ZNF148: variants seen among roughly 807,000 people sequenced by gnomAD.
ZNF148 encodes Beta-Enolase Repressor Factor-1.
Under a neutral mutation model 67.7 loss-of-function variants are expected in ZNF148, and 7 were observed. The observed-to-expected ratio is 0.10, with a 90% confidence interval of 0.06 to 0.19. The LOEUF is 0.19. ZNF148 is among the 10% of genes least tolerant of loss of function. ZNF148 has a pLI of 1.00. For synonymous variants in ZNF148, 333 were observed against 330.7 expected (o/e 1.01, Z -0.08); for missense variants, 583 against 947.1 (o/e 0.62, Z 5.05).
chr3:125,270,279 G>A (rs938497943), intron 7 of ZNF148, among the ~76,000 whole-genome samples: 2 of 151,684 alleles, frequency 1.3e-5, no homozygotes, highest in African/African-American at 4.8e-5. Flanking sequence ...GGCCAAAATC[G>A]GAGGATCACT....
At chr3:125,347,568 TA>T (rs770344417) in intron 1 of ZNF148, among the ~76,000 whole-genome samples, 2,987 of 73,678 alleles carry the variant, frequency 0.041, 48 homozygotes, top group African/African-American at 0.1. Flanking sequence ...TTTTATGTAT[TA>T]TTTTTTTTTT....
chr3:125,326,971 G>A (rs1272351920), intron 2 of ZNF148, among the ~76,000 whole-genome samples: 1 of 151,322 alleles, frequency 6.6e-6, no homozygotes, highest in Non-Finnish European at 1.5e-5. Flanking sequence ...TGGAAAGGCA[G>A]CGACTGTCGG....
At chr3:125,263,963 A>C (rs2107578771) in intron 7 of ZNF148, among the ~76,000 whole-genome samples, 1 of 152,324 alleles carries the variant, frequency 6.6e-6, no homozygotes, top group East Asian at 1.9e-4. Flanking sequence ...TCAATCCATC[A>C]TGCCTACATT....
At chr3:125,361,364 C>T (rs1399078115) in intron 1 of ZNF148, among the ~76,000 whole-genome samples, 4 of 152,090 alleles carry the variant, frequency 2.6e-5, no homozygotes, top group African/African-American at 7.2e-5. Context: ...CCAGAACACC[C>T]TCCTATTTCC....
chr3:125,288,008 C>T, intron 5 of ZNF148, 95 bp downstream of exon 5: 1 of 1,560,078 alleles, frequency 6.4e-7, no homozygotes, highest in South Asian at 1.2e-5. Flanking sequence ...AAGACTTCTA[C>T]ATCTGCCTTA....
chr3:125,239,291 C>A (rs941127361), intron 7 of ZNF148, among the ~76,000 whole-genome samples: 2 of 152,062 alleles, frequency 1.3e-5, no homozygotes, highest in African/African-American at 2.4e-5. Context: ...AGATAAGGAA[C>A]GTGTATCCAG....
At chr3:125,239,247 G>T (rs962555076) in intron 7 of ZNF148, among the ~76,000 whole-genome samples, 2 of 152,162 alleles carry the variant, frequency 1.3e-5, no homozygotes, top group African/African-American at 4.8e-5. Context: ...CATAACTCCA[G>T]AATGGAATAA....
rs560811942 is a variant in ZNF148, at chr3:125,321,682, T to TAA, written c.-17+1625_-17+1626dup. On this transcript the variant is annotated intron_variant, in intron 3 of 8. Transcript: ENST00000360647. Reference sequence around the variant, plus strand: ...AACAAGGAGAGGGGGAGGGAAAAGGTAAAAAAAAAGTTCACGCAAAGCAGA... The same window carrying TAA: ...AACAAGGAGAGGGGGAGGGAAAAGGTAAAAAAAAAAAGTTCACGCAAAGCAGA... 4.7e-3 allele frequency among the ~76,000 whole-genome samples: 711 copies of TAA among 151,224 alleles called. 4 individuals carry two copies. Among genetic ancestry groups the TAA allele is most frequent in the African/African-American group, 0.016 (680 of 41,264 alleles).
At position 125,373,219 on chromosome 3, in the gene ZNF148, C is replaced by T. The variant is rs535477311; in HGVS notation, c.-234+1883G>A. ...CAGCACTTTGAGAGGCCAAGGCGGGCGGATCACTTGAGGCCAGGAGTTCGA... is the reference window on the plus strand; with the variant it reads ...CAGCACTTTGAGAGGCCAAGGCGGGTGGATCACTTGAGGCCAGGAGTTCGA... On this transcript the variant is annotated intron_variant, in intron 1 of 8. Coordinates refer to ENST00000360647, the MANE Select transcript of ZNF148 (RefSeq NM_021964.3). 1.0e-4 allele frequency among the ~76,000 whole-genome samples: 15 copies of T among 148,474 alleles called. No individual in the cohort carries two copies. In the East Asian group the frequency reaches 1.7e-3, roughly 17 times the overall value.
intron 1 of ZNF148, among the ~76,000 whole-genome samples, chr3:125,336,838 A>T (rs1296124579): frequency 6.6e-6 from 1 of 151,646 alleles, no homozygotes; most frequent in African/African-American, 2.4e-5. Context: ...CTCCATGCTC[A>T]GCTAATTTTT....
At position 125,232,036 on chromosome 3, in the gene ZNF148, T is replaced by G. The variant is rs986741077; in HGVS notation, c.*305A>C. The stretch of plus-strand genomic sequence containing the variant: ...CCTAAGAATGTACAATGTTATCAGT[T>G]AGGAAACAATTGTGCGAAAGTCTTT... On this transcript the variant is annotated 3_prime_UTR_variant, in exon 9 of 9. Transcript: ENST00000360647. This position sits in a 1 kb window ranked among gnomAD's most constrained non-coding sequence, Gnocchi z 4.2. 2 of 249,200 alleles carry G rather than the reference T, an allele frequency of 8.0e-6. No individual in the cohort carries two copies. The highest frequency in any genetic ancestry group is 1.6e-5 in the Non-Finnish European group (2 of 128,944). 15.4% of individuals were successfully genotyped at this position (249,200 alleles called of 1,614,324 possible). A position where few individuals can be genotyped will look rare whatever the true frequency, so the allele number is the denominator to read the frequency against.
chr3:125,288,327 G>A (rs1162854771), intron 4 of ZNF148, 99 bp from the exon 5 acceptor site: 5 of 1,274,770 alleles, frequency 3.9e-6, no homozygotes, highest in Non-Finnish European at 5.3e-6. Flanking sequence ...CCACATACAG[G>A]TGCTTCCAGA....
intron 1 of ZNF148, among the ~76,000 whole-genome samples, chr3:125,371,928 G>A (rs1942902832): frequency 6.6e-6 from 1 of 151,826 alleles, no homozygotes; most frequent in South Asian, 2.1e-4. Flanking sequence ...GCCGGGCGTG[G>A]TGGTGGGAGC....
intron 7 of ZNF148, among the ~76,000 whole-genome samples, chr3:125,272,645 A>G (rs911248636): frequency 3.3e-5 from 5 of 151,918 alleles, no homozygotes; most frequent in African/African-American, 1.2e-4. Flanking sequence ...ATTTAATTAC[A>G]CCATACTTTA....
chr3:125,290,129 A>T (rs1421563474), intron 4 of ZNF148, among the ~76,000 whole-genome samples: 2 of 152,164 alleles, frequency 1.3e-5, no homozygotes, highest in African/African-American at 4.8e-5. Context: ...GCCCCTGCTC[A>T]TCCACTGAGT....
chr3:125,354,462 T>A (rs1942270903), intron 1 of ZNF148, among the ~76,000 whole-genome samples: 1 of 152,242 alleles, frequency 6.6e-6, no homozygotes, highest in South Asian at 2.1e-4. Flanking sequence ...CTTCTGACAA[T>A]ACACTGCTTA....
intron 3 of ZNF148, 25 bp downstream of exon 3, chr3:125,323,284 T>G (rs899209315): frequency 3.6e-6 from 2 of 560,078 alleles, no homozygotes; most frequent in Admixed American, 6.9e-5. Flanking sequence ...TATTCAAGAT[T>G]ATGAAAAATA....
chr3:125,232,830 A>G lies in ZNF148; in HGVS notation c.1896T>C (p.Thr632=), dbSNP rs771304400. ...YLNSPSLNFV[T]DNQTLPNQPA... The stretch of plus-strand genomic sequence containing the variant: ...GCTGATTTGGGAGGGTCTGGTTATC[A>G]GTCACAAAGTTAAGGCTCGGGCTAT... The change falls in exon 9 of 9, where the codon ACT becomes ACC. Residue 632 remains threonine, a synonymous_variant. Coordinates refer to ENST00000360647, the MANE Select transcript of ZNF148 (RefSeq NM_021964.3). This position sits in a 1 kb window ranked among gnomAD's most constrained non-coding sequence, Gnocchi z 4.2. 4.0e-5 allele frequency: 65 copies of G among 1,613,756 alleles called. No homozygotes were observed. The highest frequency in any genetic ancestry group is 5.3e-5 in the Non-Finnish European group (63 of 1,179,832).
At chr3:125,337,348 T>C (rs1269426522) in intron 1 of ZNF148, among the ~76,000 whole-genome samples, 1 of 152,208 alleles carries the variant, frequency 6.6e-6, no homozygotes, top group African/African-American at 2.4e-5. Flanking sequence ...CTTTTAAATC[T>C]AAATCACCTG....
Sources: gnomAD v4.1 joint callset for allele counts (sites outside exome capture counted in the v4.1 genomes callset) on GRCh38, gnomAD v4.1.1 for gene constraint, Gnocchi (gnomAD v3.1) non-coding constraint, MANE v1.5 for transcripts, NCBI Gene and HGNC (gene_info 2026-07-23, HGNC 2026-07-21) for gene names.